PLCE1: variants seen among roughly 807,000 people sequenced by gnomAD.
PLCE1 encodes phospholipase C epsilon 1, also known as 1-phosphatidylinositol 4,5-bisphosphate phosphodiesterase epsilon-1.
A neutral mutation model predicts 242.8 loss-of-function variants in PLCE1; 119 were observed. That is an observed-to-expected ratio of 0.49 (90% CI 0.42 to 0.57). PLCE1 has a LOEUF of 0.57. PLCE1 is among the 20% of genes least tolerant of loss of function. PLCE1 has a pLI of 0.00. For synonymous variants in PLCE1, 945 were observed against 1,017.4 expected (o/e 0.93, Z 1.35); for missense variants, 2,441 against 2,788.8 (o/e 0.88, Z 2.81).
intron 2 of PLCE1, chr10:94,105,027 C>G (rs1046139286): frequency 6.6e-6 from 1 of 152,164 alleles, no homozygotes; most frequent in Non-Finnish European, 1.5e-5. Context: ...TCTTTTGAGT[C>G]TGGAATATAA....
At chr10:94,055,025 A>AG (rs1460954545) in intron 2 of PLCE1, among the ~76,000 whole-genome samples, 23 of 151,460 alleles carry the variant, frequency 1.5e-4, no homozygotes, top group African/African-American at 5.3e-4. Flanking sequence ...AAAAAAAAAA[A>AG]AAAGAAAAAT....
chr10:94,245,827 T>G lies in PLCE1; in HGVS notation c.2421-119T>G, dbSNP rs1389671434. 3.6e-6 allele frequency: 3 copies of G among 839,230 alleles called. No individual in the cohort carries two copies. In the African/African-American group the frequency reaches 5.0e-5, roughly 14 times the overall value. 52.0% of individuals were successfully genotyped at this position (839,230 alleles called of 1,614,324 possible). On this transcript the variant is annotated intron_variant, in intron 7 of 32. Coordinates refer to ENST00000371380, the MANE Select transcript of PLCE1 (RefSeq NM_016341.4). Reference sequence around the variant, plus strand: ...TGTGTGCTATTTAGTATTTTGTATTTCCTATGCTAATTTGAATTCATAGTG... The same window carrying G: ...TGTGTGCTATTTAGTATTTTGTATTGCCTATGCTAATTTGAATTCATAGTG...
At chr10:94,206,079 AG>A (rs1440897998) in intron 4 of PLCE1, among the ~76,000 whole-genome samples, 2 of 152,222 alleles carry the variant, frequency 1.3e-5, no homozygotes, top group African/African-American at 4.8e-5. Flanking sequence ...AGAAAAATAA[AG>A]CAAGGCAGAG....
intron 2 of PLCE1, among the ~76,000 whole-genome samples, chr10:94,101,900 T>C (rs555701048): frequency 6.6e-6 from 1 of 152,088 alleles, no homozygotes; most frequent in Non-Finnish European, 1.5e-5. Flanking sequence ...ATAGGAGACA[T>C]GTACCCAGGA....
chr10:94,236,024 G>C lies in PLCE1; in HGVS notation c.2324G>C (p.Arg775Pro). Residue 775 changes from arginine to proline, a missense_variant, in exon 7 of 33, where the codon CGG (arginine) becomes CCG (proline). This residue lies in a region of PLCE1 where 733 missense variants were observed against 754.2 expected (regional missense o/e 0.97). Coordinates refer to ENST00000371380, the MANE Select transcript of PLCE1 (RefSeq NM_016341.4). ...GTCAACAGCATCTTTCAGGTCATCC[G>C]GAGCTGCAATCGAAGTCTGGAGACA... ...STVNSIFQVI[R>P]SCNRSLETDE... 1 of 1,614,032 alleles carries C rather than the reference G, an allele frequency of 6.2e-7. No individual in the cohort carries two copies. Among genetic ancestry groups the C allele is most frequent in the Non-Finnish European group, 8.5e-7 (1 of 1,179,956 alleles).
chr10:93,997,394 T>A (rs1353119517), intron 1 of PLCE1, among the ~76,000 whole-genome samples: 1 of 152,230 alleles, frequency 6.6e-6, no homozygotes, highest in Non-Finnish European at 1.5e-5. Flanking sequence ...AGCTTCTGAA[T>A]CACAGTTGGC....
At chr10:94,281,658 A>T (rs560929178) in intron 20 of PLCE1, among the ~76,000 whole-genome samples, 1 of 152,228 alleles carries the variant, frequency 6.6e-6, no homozygotes, top group East Asian at 1.9e-4. Flanking sequence ...ATGTAATCAA[A>T]AGTTCTGCGA....
chr10:94,092,282 T>G (rs997582466), intron 2 of PLCE1, among the ~76,000 whole-genome samples: 1 of 152,066 alleles, frequency 6.6e-6, no homozygotes, highest in Non-Finnish European at 1.5e-5. Flanking sequence ...AGAACTAGGT[T>G]TTTTTCCCTA....
chr10:94,004,201 G>T (rs1480099331), intron 1 of PLCE1, among the ~76,000 whole-genome samples: 1 of 151,852 alleles, frequency 6.6e-6, no homozygotes, highest in Non-Finnish European at 1.5e-5. Flanking sequence ...TTCCTCCCAA[G>T]ACAGGCAGAA....
At chr10:94,075,093 A>G (rs2044463318) in intron 2 of PLCE1, among the ~76,000 whole-genome samples, 1 of 152,130 alleles carries the variant, frequency 6.6e-6, no homozygotes, top group Admixed American at 6.5e-5. Context: ...AAGAACTAAC[A>G]CAGGAATTAT....
chr10:94,078,220 A>G (rs1359794776), intron 2 of PLCE1, among the ~76,000 whole-genome samples: 1 of 152,212 alleles, frequency 6.6e-6, no homozygotes, highest in Non-Finnish European at 1.5e-5. Flanking sequence ...GCCATCTGAT[A>G]GATTTGTTTG....
chr10:94,265,990 T>C, intron 16 of PLCE1, 32 bp downstream of exon 16: 3 of 1,604,920 alleles, frequency 1.9e-6, no homozygotes, highest in Non-Finnish European at 2.6e-6. Context: ...ATGTGGTTTT[T>C]ATTAAACCTA....
At chr10:94,310,839 G>A (rs1342013204) in intron 27 of PLCE1, among the ~76,000 whole-genome samples, 1 of 152,084 alleles carries the variant, frequency 6.6e-6, no homozygotes. Context: ...TAGAGTTGGT[G>A]TCAGATCCCA....
chr10:94,226,359 C>G (rs1424435499), intron 4 of PLCE1, among the ~76,000 whole-genome samples: 1 of 152,120 alleles, frequency 6.6e-6, no homozygotes, highest in Admixed American at 6.6e-5. Context: ...AAGTTCAAAC[C>G]TAGGCTTTGC....
At chr10:94,295,283 T>C (rs1589494527) in intron 23 of PLCE1, among the ~76,000 whole-genome samples, 2 of 152,174 alleles carry the variant, frequency 1.3e-5, no homozygotes, top group South Asian at 2.1e-4. Flanking sequence ...ACTAAATGTA[T>C]GAAATATTCT....
At chr10:94,285,933 CCTGT>C (rs2052429489) in intron 22 of PLCE1, among the ~76,000 whole-genome samples, 2 of 152,266 alleles carry the variant, frequency 1.3e-5, no homozygotes, top group South Asian at 4.1e-4. Flanking sequence ...GGCTCTGAAG[CCTGT>C]CTGTCTCCAA....
At chr10:94,065,313 A>T (rs2044168562) in intron 2 of PLCE1, among the ~76,000 whole-genome samples, 1 of 151,870 alleles carries the variant, frequency 6.6e-6, no homozygotes, top group African/African-American at 2.4e-5. Context: ...CCTCCCTTTG[A>T]CCTCTCGGCT....
chr10:94,133,923 G>A (rs543776893), intron 3 of PLCE1, among the ~76,000 whole-genome samples: 1 of 152,140 alleles, frequency 6.6e-6, no homozygotes, highest in African/African-American at 2.4e-5. Context: ...CCTCTGATGT[G>A]GCACCTAGAG....
At chr10:94,163,383 C>T (rs372628561) in intron 3 of PLCE1, among the ~76,000 whole-genome samples, 1 of 152,128 alleles carries the variant, frequency 6.6e-6, no homozygotes, top group South Asian at 2.1e-4. Context: ...GCTCTTCTTG[C>T]TGAATTGATC....
Sources: gnomAD v4.1 joint callset for allele counts (sites outside exome capture counted in the v4.1 genomes callset) on GRCh38, gnomAD v4.1.1 for gene constraint, gnomAD v4.1.1 regional missense constraint, MANE v1.5 for transcripts, NCBI Gene and HGNC (gene_info 2026-07-23, HGNC 2026-07-21) for gene names.